The following PIGL variants were observed in gnomAD, a reference collection of about 807,000 sequenced individuals.
The protein encoded by PIGL is N-acetylglucosaminyl-phosphatidylinositol de-N-acetylase.
A neutral mutation model predicts 31.1 loss-of-function variants in PIGL; 22 were observed. The observed-to-expected ratio is 0.71, with a 90% CI of 0.51 to 1.01. PIGL has a LOEUF of 1.01. Ranked by LOEUF, PIGL falls within the 50% of genes least tolerant of loss-of-function variation. The pLI is 0.00. For synonymous variants in PIGL, 131 were observed against 117.4 expected (o/e 1.12, Z -0.75); for missense variants, 302 against 315.9 (o/e 0.96, Z 0.33).
chr17:16,223,687 C>A (rs1423575822), intron 1 of PIGL, among the ~76,000 whole-genome samples: 1 of 151,364 alleles, frequency 6.6e-6, no homozygotes, highest in Non-Finnish European at 1.5e-5. Flanking sequence ...CAAGACCAAC[C>A]TGGTCAACAT....
At chr17:16,222,940 A>G (rs142253773) in intron 1 of PIGL, among the ~76,000 whole-genome samples, 2 of 152,206 alleles carry the variant, frequency 1.3e-5, no homozygotes, top group East Asian at 3.9e-4. Flanking sequence ...TGAACCCAGT[A>G]GGTGGAGATT....
At chr17:16,233,487 T>G (rs1374748964) in intron 1 of PIGL, among the ~76,000 whole-genome samples, 1 of 152,130 alleles carries the variant, frequency 6.6e-6, no homozygotes, top group Admixed American at 6.6e-5. Flanking sequence ...ATCTACACAT[T>G]TTCCTGTAAT....
At chr17:16,253,515 C>T (rs1398317163) in intron 2 of PIGL, among the ~76,000 whole-genome samples, 1 of 152,126 alleles carries the variant, frequency 6.6e-6, no homozygotes, top group African/African-American at 2.4e-5. Context: ...ACAATTATTA[C>T]TTTTTTAAAA....
rs374892332 is a variant in PIGL at position 16,229,591 on chromosome 17, G to A, written c.236-4380G>A. ...TTCTGCAGCAACTGTACAGTTTTAC[G>A]TTGCCACCAGCAATGAACTATGGTT... On this transcript the variant is annotated intron_variant, in intron 1 of 6. Coordinates refer to ENST00000225609, the MANE Select transcript of PIGL (RefSeq NM_004278.4). 2.4e-3 allele frequency among the ~76,000 whole-genome samples: 358 copies of A among 147,244 alleles called. 18 individuals carry two copies. The South Asian group carries it at 0.073, about 30-fold the overall frequency.
chr17:16,221,261 C>G (rs1416912821), intron 1 of PIGL, among the ~76,000 whole-genome samples: 4 of 151,988 alleles, frequency 2.6e-5, no homozygotes, highest in Non-Finnish European at 5.9e-5. Context: ...AAATAAAATC[C>G]AGGCTTCTCT....
chr17:16,265,737 T>G (rs1049135970), intron 2 of PIGL, among the ~76,000 whole-genome samples: 1 of 149,190 alleles, frequency 6.7e-6, no homozygotes, highest in Non-Finnish European at 1.5e-5. Context: ...CGAGACTCCG[T>G]ATTAAAAAAA....
intron 2 of PIGL, among the ~76,000 whole-genome samples, chr17:16,242,107 G>A (rs915878921): frequency 6.6e-6 from 1 of 152,012 alleles, no homozygotes; most frequent in African/African-American, 2.4e-5. Context: ...AGGCTAAAGT[G>A]CAATGACATG....
chr17:16,243,628 T>C (rs1056367508), intron 2 of PIGL, among the ~76,000 whole-genome samples: 8 of 152,336 alleles, frequency 5.3e-5, no homozygotes, highest in South Asian at 2.1e-4. Context: ...TGAATTCTGT[T>C]CCTAAATTTC....
At chr17:16,221,725 T>G (rs1257473064) in intron 1 of PIGL, among the ~76,000 whole-genome samples, 1 of 152,176 alleles carries the variant, frequency 6.6e-6, no homozygotes, top group Non-Finnish European at 1.5e-5. Flanking sequence ...GTTCAAGTGA[T>G]TCTCCTGCCT....
At chr17:16,276,850 A>G (rs1457827277) in intron 2 of PIGL, among the ~76,000 whole-genome samples, 3 of 152,258 alleles carry the variant, frequency 2.0e-5, no homozygotes, top group African/African-American at 7.2e-5. Context: ...AAATCATGGT[A>G]ACTGATTTGC....
intron 3 of PIGL, among the ~76,000 whole-genome samples, chr17:16,308,574 C>T (rs1297173697): frequency 3.3e-5 from 5 of 152,022 alleles, no homozygotes; most frequent in Admixed American, 2.0e-4. Context: ...GTCAGTGCAG[C>T]GGCACTATTG....
chr17:16,321,000 C>T (rs1404959229), intron 6 of PIGL, among the ~76,000 whole-genome samples: 4 of 144,698 alleles, frequency 2.8e-5, no homozygotes, highest in Admixed American at 7.2e-5. Flanking sequence ...TGCAATGGCA[C>T]GATCTCAGCT....
chr17:16,250,079 T>C (rs1486047715), intron 2 of PIGL, among the ~76,000 whole-genome samples: 4 of 152,174 alleles, frequency 2.6e-5, no homozygotes, highest in Non-Finnish European at 5.9e-5. Flanking sequence ...CCCAAGTCGC[T>C]GGGATTACCG....
intron 4 of PIGL, among the ~76,000 whole-genome samples, chr17:16,314,782 A>T (rs924512871): frequency 6.6e-6 from 1 of 152,080 alleles, no homozygotes; most frequent in African/African-American, 2.4e-5. Context: ...TGAAATACAA[A>T]TTTTTTTGAT....
At position 16,251,153 on chromosome 17, in the gene PIGL, C is replaced by T. The variant is rs575228147; in HGVS notation, c.335+17083C>T. On this transcript the variant is annotated intron_variant, in intron 2 of 6. Transcript: ENST00000225609. ...CTGTATTTGAAAGACGAGCTGGGCA[C>T]GGTGGCTTGTGCATGTAATCCTAGC... Among the ~76,000 whole-genome samples the T allele has an allele frequency of 5.9e-5, 9 of 152,186 alleles. No individual in the cohort carries two copies. The East Asian group carries it at 1.2e-3, about 20-fold the overall frequency.
intron 2 of PIGL, among the ~76,000 whole-genome samples, chr17:16,268,030 A>G (rs115537291): frequency 4.9e-4 from 74 of 152,322 alleles, no homozygotes; most frequent in African/African-American, 1.7e-3. Context: ...GAGACTGTAA[A>G]TATTCACCAT....
chr17:16,237,805 CAAAA>C (rs57265734), intron 2 of PIGL, among the ~76,000 whole-genome samples: 2 of 101,762 alleles, frequency 2.0e-5, no homozygotes, highest in African/African-American at 3.6e-5. Context: ...GTCTCAAAAG[CAAAA>C]AAAAAAAAAA....
At chr17:16,235,086 C>A (rs1280664968) in intron 2 of PIGL, among the ~76,000 whole-genome samples, 1 of 152,014 alleles carries the variant, frequency 6.6e-6, no homozygotes, top group Non-Finnish European at 1.5e-5. Flanking sequence ...GGTTTTTTAC[C>A]CCAAGGTACT....
intron 2 of PIGL, among the ~76,000 whole-genome samples, chr17:16,235,435 C>CTTTTTT (rs903174807): frequency 3.3e-5 from 3 of 90,924 alleles, no homozygotes; most frequent in African/African-American, 4.9e-5. Context: ...TGTCTACGTT[C>CTTTTTT]TTTTTTTTTT....
Sources: gnomAD v4.1 joint callset for allele counts (sites outside exome capture counted in the v4.1 genomes callset) on GRCh38, gnomAD v4.1.1 for gene constraint, MANE v1.5 for transcripts, NCBI Gene and HGNC (gene_info 2026-07-23, HGNC 2026-07-21) for gene names.